ANXA13: variants seen among roughly 807,000 people sequenced by gnomAD.
ANXA13 encodes the protein annexin A13, also known as annexin XIII.
In ANXA13, 36 loss-of-function variants were observed where a neutral mutation model predicts 46.6. The observed-to-expected ratio is 0.77, with a 90% CI of 0.59 to 1.02. The LOEUF is 1.02. ANXA13 is among the 50% of genes least tolerant of loss of function. The probability of loss-of-function intolerance (pLI) is 0.00; values close to 1 mark genes in which losing one functional copy is unlikely to be tolerated. For missense variants in ANXA13, 417 were observed against 396.5 expected (o/e 1.05, Z -0.44); for synonymous variants, 163 against 152.9 (o/e 1.07, Z -0.49).
At chr8:123,692,794 C>T (rs1813264884) in intron 8 of ANXA13, among the ~76,000 whole-genome samples, 1 of 152,152 alleles carries the variant, frequency 6.6e-6, no homozygotes, top group Non-Finnish European at 1.5e-5. Context: ...TGGTCACTTG[C>T]CAGTGGTAGA....
Position 123,702,703 on chromosome 8 carries a change from G to C in ANXA13, c.125C>G (p.Ser42Trp). Residue 42 changes from serine to tryptophan, a missense_variant, in exon 3 of 11, where the codon TCG becomes TGG. By Grantham distance (177) the Ser-to-Trp change is radical. Transcript: ENST00000419625. ...TTGCCTCTCATCTGATGTCCTGCCC[G>C]ATAAGATTTCAATGATGGCTGCTTC... ...TNEAAIIEIL[S>W]GRTSDERQQI... is the part of the protein sequence containing the mutation. 3.7e-6 allele frequency: 6 copies of C among 1,613,956 alleles called. No homozygotes were observed. The highest frequency in any genetic ancestry group is 5.1e-6 in the Non-Finnish European group (6 of 1,179,970).
At chr8:123,723,725 C>T (rs1469802484) in intron 1 of ANXA13, among the ~76,000 whole-genome samples, 1 of 152,172 alleles carries the variant, frequency 6.6e-6, no homozygotes, top group Non-Finnish European at 1.5e-5. Flanking sequence ...TTCTACCCTC[C>T]ACTCTAGAGT....
At chr8:123,737,211 G>A in intron 1 of ANXA13, 109 bp downstream of exon 1, 2 of 1,119,984 alleles carry the variant, frequency 1.8e-6, no homozygotes, top group Non-Finnish European at 2.6e-6. Context: ...AATATTAAAG[G>A]GTAACCATAG....
rs1204641152 is a variant in ANXA13 at position 123,712,582 on chromosome 8, G to T, written c.91+96C>A. 4.6e-6 allele frequency: 5 copies of T among 1,077,730 alleles called. No individual in the cohort carries two copies. The East Asian group carries it at 9.7e-5, about 21-fold the overall frequency. 66.8% of individuals were successfully genotyped at this position (1,077,730 alleles called of 1,614,324 possible). A position where few individuals can be genotyped will look rare whatever the true frequency, so the allele number is the denominator to read the frequency against. ...GCGTTAGCTCGGAATACACAAGATA[G>T]TGAGATGTCAGCTTCCTAACATCAT... On this transcript the variant is annotated intron_variant, in intron 2 of 10. Coordinates refer to ENST00000419625, the MANE Select transcript of ANXA13 (RefSeq NM_004306.4).
chr8:123,709,861 C>T (rs755915987), intron 2 of ANXA13, among the ~76,000 whole-genome samples: 81 of 152,100 alleles, frequency 5.3e-4, no homozygotes, highest in Admixed American at 9.2e-4. Context: ...CAGGTTGAAG[C>T]GATTCTCCTG....
rs551391390 is a variant in ANXA13 at position 123,718,678 on chromosome 8, T to A, written c.16-5925A>T. ...TAGTAGGTCTACATGTCCTTCTCTG[T>A]GTATTTACGTTCCTGTGTTTCCTCC... On this transcript the variant is annotated intron_variant, in intron 1 of 10. Transcript: ENST00000419625. Among the ~76,000 whole-genome samples the A allele has an allele frequency of 9.8e-5, 15 of 152,330 alleles. No homozygotes were observed. The South Asian group carries it at 2.7e-3, about 27-fold the overall frequency.
intron 9 of ANXA13, among the ~76,000 whole-genome samples, chr8:123,687,444 T>G (rs538527459): frequency 3.4e-4 from 52 of 152,268 alleles, no homozygotes; most frequent in African/African-American, 1.2e-3. Flanking sequence ...TTCAAAAAAT[T>G]GCAACCTCCG....
In ANXA13 at chr8:123,684,706, A is replaced by T; in HGVS notation, c.735T>A (p.Asp245Glu). The T allele has an allele frequency of 6.2e-7, 1 of 1,613,366 alleles. No individual in the cohort carries two copies. ...GACGTTCAGCAAAATAGTCCTCACA[A>T]TCCTGGGCACATCTCACTGGGCAGG... ...AYLTLVRCAQ[D>E]CEDYFAERLY... Residue 245 changes from aspartate (D) to glutamate (E), a missense_variant, in exon 10 of 11, where the codon GAT (aspartate) becomes GAA (glutamate). Asp to Glu is a conservative substitution (Grantham distance 45). Transcript: ENST00000419625.
At chr8:123,709,851 C>T (rs548534949) in intron 2 of ANXA13, among the ~76,000 whole-genome samples, 17 of 152,174 alleles carry the variant, frequency 1.1e-4, no homozygotes, top group Non-Finnish European at 2.2e-4. Context: ...CTCCACCTCC[C>T]AGGTTGAAGC....
At chr8:123,719,309 C>T (rs1365545102) in intron 1 of ANXA13, among the ~76,000 whole-genome samples, 5 of 152,120 alleles carry the variant, frequency 3.3e-5, no homozygotes, top group Non-Finnish European at 7.4e-5. Flanking sequence ...AATTATTTTT[C>T]CCTCTCTTTC....
Position 123,681,302 on chromosome 8 carries a change from C to A in ANXA13, c.889G>T (p.Asp297Tyr). Residue 297 changes from aspartate to tyrosine, a missense_variant, in exon 11 of 11, where the codon GAC becomes TAC. Coordinates refer to ENST00000419625, the MANE Select transcript of ANXA13 (RefSeq NM_004306.4). ...FQEKYQKSLS[D>Y]MVRSDTSGDF... The stretch of plus-strand genomic sequence containing the variant: ...CCGGAGGTATCTGAGCGAACCATGT[C>A]AGAGAGAGACTTCTGATACTTCTCT... 6.2e-7 allele frequency: 1 copy of A among 1,614,178 alleles called. No individual in the cohort carries two copies. The highest frequency in any genetic ancestry group is 8.5e-7 in the Non-Finnish European group (1 of 1,180,002).
chr8:123,695,258 G>A (rs762665439), intron 6 of ANXA13, among the ~76,000 whole-genome samples: 3 of 152,110 alleles, frequency 2.0e-5, no homozygotes, highest in African/African-American at 4.8e-5. Flanking sequence ...TTAATGAGCC[G>A]ATTCATTTAC....
intron 10 of ANXA13, among the ~76,000 whole-genome samples, chr8:123,681,719 G>C (rs1322621317): frequency 1.3e-5 from 2 of 150,864 alleles, no homozygotes; most frequent in African/African-American, 4.9e-5. Flanking sequence ...CGCCTCCTGG[G>C]TTCAAGCAAT....
At chr8:123,697,192 C>T (rs752985968) in intron 4 of ANXA13, among the ~76,000 whole-genome samples, 23 of 152,306 alleles carry the variant, frequency 1.5e-4, no homozygotes, top group Non-Finnish European at 2.6e-4. Context: ...AGATTACAGG[C>T]GTGAACCACT....
intron 8 of ANXA13, among the ~76,000 whole-genome samples, chr8:123,689,927 T>C (rs117608510): frequency 6.6e-6 from 1 of 152,352 alleles, no homozygotes; most frequent in Non-Finnish European, 1.5e-5. Context: ...AACAAAATGT[T>C]CTTTGTGATG....
chr8:123,695,525 T>G lies in ANXA13; in HGVS notation c.448A>C (p.Lys150Gln), dbSNP rs777857925. Residue 150 changes from lysine (K) to glutamine (Q), a missense_variant, in exon 6 of 11, where the codon AAA becomes CAA. Physicochemically the swap from Lys to Gln is moderately conservative, Grantham distance 53 (BLOSUM62 1). Coordinates refer to ENST00000419625, the MANE Select transcript of ANXA13 (RefSeq NM_004306.4). ...ACCTGCAGCAGAGACACCAGGATTTTTTTTAGGTTTCCACTTGTATCACCT... is the reference window on the plus strand; with the variant it reads ...ACCTGCAGCAGAGACACCAGGATTTGTTTTAGGTTTCCACTTGTATCACCT... Reference protein sequence around the residue: ...VKGDTSGNLKKILVSLLQANR... With the variant: ...VKGDTSGNLKQILVSLLQANR... 1.9e-6 allele frequency: 3 copies of G among 1,614,164 alleles called. No homozygotes were observed. Among genetic ancestry groups the G allele is most frequent in the Non-Finnish European group, 2.5e-6 (3 of 1,180,004 alleles).
At chr8:123,730,704 A>G in intron 1 of ANXA13, among the ~76,000 whole-genome samples, 1 of 152,234 alleles carries the variant, frequency 6.6e-6, no homozygotes. Flanking sequence ...CAAGCTGCTA[A>G]TAAAGACTTA....
Position 123,712,743 on chromosome 8 carries a change from C to T in ANXA13, c.26G>A (p.Ser9Asn). ...ATCCACATCAAAACCCTGAGGACTG[C>T]TCGCTTTAGCCTGGAGAAAATAATT... Reference protein sequence around the residue: MGNRHAKASSPQGFDVDRD... With the variant: MGNRHAKANSPQGFDVDRD... The change falls in exon 2 of 11, where the codon AGC becomes AAC. Residue 9 changes from serine to asparagine, a missense_variant. Physicochemically the swap from Ser to Asn is conservative, Grantham distance 46. Transcript: ENST00000419625. The T allele has an allele frequency of 1.9e-6, 3 of 1,614,172 alleles. No homozygotes were observed. The highest frequency in any genetic ancestry group is 2.2e-5 in the South Asian group (2 of 91,080).
At chr8:123,722,221 G>A (rs534772150) in intron 1 of ANXA13, among the ~76,000 whole-genome samples, 2 of 152,108 alleles carry the variant, frequency 1.3e-5, no homozygotes, top group African/African-American at 4.8e-5. Context: ...GCTGAAGCAG[G>A]AGAATCACTT....
Sources: gnomAD v4.1 joint callset for allele counts (sites outside exome capture counted in the v4.1 genomes callset) on GRCh38, gnomAD v4.1.1 for gene constraint, MANE v1.5 for transcripts, NCBI Gene and HGNC (gene_info 2026-07-23, HGNC 2026-07-21) for gene names.